Variants in GABRB3 observed in about 807,000 individuals in gnomAD.
GABRB3 encodes the protein gamma-aminobutyric acid receptor subunit beta-3.
GABRB3 carries 14 observed loss-of-function variants against 52.1 expected under a neutral mutation model. The observed-to-expected ratio is 0.27, with a 90% CI of 0.18 to 0.42. The LOEUF (loss-of-function observed/expected upper bound fraction) is 0.42, where lower values mean the gene tolerates loss of function less well. GABRB3 is among the 10% of genes least tolerant of loss of function. GABRB3 has a pLI of 1.00. For synonymous variants in GABRB3, 260 were observed against 232.3 expected, an observed-to-expected ratio of 1.12 and a Z score of -1.08; for missense variants, 307 against 609.1, an observed-to-expected ratio of 0.50 and a Z score of 5.22.
At position 26,544,073 on chromosome 15, in the gene GABRB3, T is replaced by G. The variant is rs568056953; in HGVS notation, c.*3720A>C. On this transcript the variant is annotated 3_prime_UTR_variant, in exon 9 of 9. Coordinates refer to ENST00000311550, the MANE Select transcript of GABRB3 (RefSeq NM_000814.6). Reference sequence around the variant, plus strand: ...GCTCACACTGACAGCCAGAGTCAATTCCAAGAGTAACAAAATGTTTCACCA... The same window carrying G: ...GCTCACACTGACAGCCAGAGTCAATGCCAAGAGTAACAAAATGTTTCACCA... 3 of 152,604 alleles carry G rather than the reference T, an allele frequency of 2.0e-5. No individual in the cohort carries two copies. The East Asian group carries it at 5.8e-4, about 29-fold the overall frequency. The allele number at this position is 152,604 out of a possible 1,614,324, so 9.5% of individuals were successfully genotyped here.
At chr15:26,766,846 C>G (rs954000281) in intron 3 of GABRB3, among the ~76,000 whole-genome samples, 4 of 152,158 alleles carry the variant, frequency 2.6e-5, no homozygotes, top group Admixed American at 6.5e-5. Flanking sequence ...CGGGCTCAAG[C>G]AAGAGGCCAT....
Position 26,567,615 on chromosome 15 carries a change from G to T in GABRB3, c.801C>A (p.Ile267=), listed in dbSNP as rs1372486308. ...CTCTAGCAGCAGATGCATCATAATT[G>T]ATCCAGAAGGACACCCACGACAGAA... ...ITILSWVSFW[I]NYDASAARVA... is the part of the protein sequence containing the mutation. Residue 267 remains isoleucine (I), a synonymous_variant, in exon 7 of 9, where the codon ATC becomes ATA. Coordinates refer to ENST00000311550, the MANE Select transcript of GABRB3 (RefSeq NM_000814.6). 6.2e-7 allele frequency: 1 copy of T among 1,613,968 alleles called. No individual in the cohort carries two copies. Among genetic ancestry groups the T allele is most frequent in the South Asian group, 1.1e-5 (1 of 91,074 alleles).
At chr15:26,661,131 A>G (rs983035965) in intron 3 of GABRB3, among the ~76,000 whole-genome samples, 1 of 152,194 alleles carries the variant, frequency 6.6e-6, no homozygotes, top group Non-Finnish European at 1.5e-5. Context: ...ACTGACAATT[A>G]GTGTAGGTAA....
chr15:26,596,623 T>A (rs1167551594), intron 4 of GABRB3, among the ~76,000 whole-genome samples: 1 of 152,082 alleles, frequency 6.6e-6, no homozygotes, highest in African/African-American at 2.4e-5. Flanking sequence ...GTATAGAAAT[T>A]TCCCATATAA....
At position 26,773,056 on chromosome 15, in the gene GABRB3, GCCGC is replaced by G; in HGVS notation, c.-98_-95del. The G allele has an allele frequency of 9.3e-7, 1 of 1,075,328 alleles. No homozygotes were observed. Among genetic ancestry groups the G allele is most frequent in the Non-Finnish European group, 1.1e-6 (1 of 889,180 alleles). The allele number at this position is 1,075,328 out of a possible 1,614,324, so 66.6% of individuals were successfully genotyped here. A position where few individuals can be genotyped will look rare whatever the true frequency, so the allele number is the denominator to read the frequency against. Reference sequence around the variant, plus strand: ...TCCTGCTGCTGCCGCCGCCGCCGCCGCCGCCGCGCTGGCCCGGAGCGGAGGAGGG... The same window carrying G: ...TCCTGCTGCTGCCGCCGCCGCCGCCGCGCGCTGGCCCGGAGCGGAGGAGGG... On this transcript the variant is annotated 5_prime_UTR_variant, in exon 1 of 9. Coordinates refer to ENST00000311550, the MANE Select transcript of GABRB3 (RefSeq NM_000814.6).
intron 3 of GABRB3, chr15:26,624,764 C>A (rs748017762): frequency 1.8e-4 from 173 of 985,338 alleles, no homozygotes; most frequent in Non-Finnish European, 2.0e-4. Context: ...GGGATACTTA[C>A]TAGCTGGCAA....
intron 4 of GABRB3, among the ~76,000 whole-genome samples, chr15:26,592,016 G>A (rs2140759805): frequency 6.6e-6 from 1 of 152,244 alleles, no homozygotes; most frequent in Non-Finnish European, 1.5e-5. Context: ...CTTGCTATCT[G>A]TGTCTCTAGC....
At chr15:26,571,178 T>C (rs966625407) in intron 6 of GABRB3, among the ~76,000 whole-genome samples, 4 of 151,134 alleles carry the variant, frequency 2.6e-5, no homozygotes, top group African/African-American at 9.7e-5. Flanking sequence ...CTTATTTGCT[T>C]CTCTTTGCTT....
At chr15:26,692,601 G>T (rs960167382) in intron 3 of GABRB3, among the ~76,000 whole-genome samples, 2 of 152,102 alleles carry the variant, frequency 1.3e-5, no homozygotes, top group Non-Finnish European at 2.9e-5. Flanking sequence ...CCTAAGTTTT[G>T]CACTCAAAGG....
At chr15:26,743,593 T>C (rs146901979) in intron 3 of GABRB3, among the ~76,000 whole-genome samples, 135 of 152,318 alleles carry the variant, frequency 8.9e-4, no homozygotes, top group African/African-American at 3.2e-3. Flanking sequence ...GGACAGTCTA[T>C]GCCAGAGTGA....
intron 2 of GABRB3, 50 bp downstream of exon 2, chr15:26,772,631 C>T: frequency 6.7e-7 from 1 of 1,493,312 alleles, no homozygotes; most frequent in Non-Finnish European, 9.0e-7. Flanking sequence ...GCCCAGGCCG[C>T]CGCCGCCGTG....
chr15:26,687,780 G>T (rs745992145), intron 3 of GABRB3, among the ~76,000 whole-genome samples: 11 of 152,184 alleles, frequency 7.2e-5, no homozygotes, highest in African/African-American at 9.7e-5. Context: ...TACACCTGCT[G>T]ACTGAAAGTT....
At chr15:26,737,617 ATG>A (rs138524604) in intron 3 of GABRB3, among the ~76,000 whole-genome samples, 34 of 149,138 alleles carry the variant, frequency 2.3e-4, no homozygotes, top group South Asian at 8.5e-4. Flanking sequence ...ATTTACTACA[ATG>A]TGTGTGTGTG....
intron 4 of GABRB3, among the ~76,000 whole-genome samples, chr15:26,599,419 G>A (rs1891508293): frequency 6.6e-6 from 1 of 152,152 alleles, no homozygotes; most frequent in Non-Finnish European, 1.5e-5. Context: ...CTGGCCTGCA[G>A]CCCTGCTCAA....
At chr15:26,773,262 G>C (rs962491458), upstream of GABRB3, among the ~76,000 whole-genome samples, 19 of 150,178 alleles carry the variant, frequency 1.3e-4, no homozygotes, top group African/African-American at 4.4e-4. Flanking sequence ...CGGGGCCCTG[G>C]GCGCTCCCCT....
chr15:26,590,668 A>C (rs1891164624), intron 4 of GABRB3, among the ~76,000 whole-genome samples: 1 of 152,206 alleles, frequency 6.6e-6, no homozygotes, highest in African/African-American at 2.4e-5. Context: ...TACAAAATAC[A>C]TAAGAAAACA....
intron 3 of GABRB3, among the ~76,000 whole-genome samples, chr15:26,634,379 G>A (rs1892987807): frequency 6.6e-6 from 1 of 152,044 alleles, no homozygotes; most frequent in Admixed American, 6.6e-5. Flanking sequence ...CAATATACCA[G>A]CCTCTTTCAT....
intron 3 of GABRB3, among the ~76,000 whole-genome samples, chr15:26,701,102 C>T (rs1184915220): frequency 6.6e-6 from 1 of 151,988 alleles, no homozygotes; most frequent in Non-Finnish European, 1.5e-5. Flanking sequence ...GAGAAGAGGA[C>T]TTTCTCAACT....
chr15:26,670,544 C>G lies in GABRB3; in HGVS notation c.241-49010G>C, dbSNP rs1023061647. ...CAGGCCCGTGCCGACCGCAGCTCCA[C>G]GCCAGCTCTCGAGCCGCGCGGCCGT... On this transcript the variant is annotated intron_variant, in intron 3 of 8. Coordinates refer to ENST00000311550, the MANE Select transcript of GABRB3 (RefSeq NM_000814.6). Among the ~76,000 whole-genome samples the G allele has an allele frequency of 3.3e-5, 5 of 152,312 alleles. No individual in the cohort carries two copies. In the East Asian group the frequency reaches 9.7e-4, roughly 30 times the overall value.
Sources: allele counts gnomAD v4.1 joint callset (sites outside exome capture counted in the v4.1 genomes callset), GRCh38; gene constraint gnomAD v4.1.1; transcripts MANE v1.5; gene names NCBI Gene and HGNC (gene_info 2026-07-23, HGNC 2026-07-21).